The following PTPRR variants were observed in gnomAD, a reference collection of about 807,000 sequenced individuals.
PTPRR encodes the protein receptor-type tyrosine-protein phosphatase R.
A neutral mutation model predicts 77.2 loss-of-function variants in PTPRR; 38 were observed. That is an observed-to-expected ratio of 0.49 (90% CI 0.38 to 0.65). The LOEUF (loss-of-function observed/expected upper bound fraction) is 0.65, where lower values mean the gene tolerates loss of function less well. Ranked by LOEUF, PTPRR falls within the 30% of genes least tolerant of loss-of-function variation. The pLI is 0.00. For missense variants in PTPRR, 744 were observed against 799.2 expected (o/e 0.93, Z 0.83); for synonymous variants, 299 against 283.1 (o/e 1.06, Z -0.57).
chr12:70,710,694 T>C (rs1178800940), intron 6 of PTPRR, among the ~76,000 whole-genome samples: 3 of 151,614 alleles, frequency 2.0e-5, no homozygotes, highest in African/African-American at 7.3e-5. Context: ...TAAGGAACCT[T>C]AACAAATTTA....
intron 8 of PTPRR, among the ~76,000 whole-genome samples, chr12:70,687,590 T>C (rs1436320618): frequency 6.6e-6 from 1 of 152,100 alleles, no homozygotes; most frequent in Non-Finnish European, 1.5e-5. Context: ...CATCCAAGAA[T>C]CCTGTTGATC....
chr12:70,703,682 A>G (rs1441185859), intron 6 of PTPRR, among the ~76,000 whole-genome samples: 3 of 152,206 alleles, frequency 2.0e-5, no homozygotes, highest in Non-Finnish European at 2.9e-5. Flanking sequence ...CAGCTTTTGC[A>G]AGCTTTATAG....
intron 6 of PTPRR, among the ~76,000 whole-genome samples, chr12:70,738,918 AGAGCAAGTG>A: frequency 6.6e-6 from 1 of 152,254 alleles, no homozygotes; most frequent in Non-Finnish European, 1.5e-5. Flanking sequence ...TGGTAGTTAC[AGAGCAAGTG>A]TTTGAATTTG....
intron 10 of PTPRR, among the ~76,000 whole-genome samples, chr12:70,673,850 T>G (rs191507378): frequency 1.3e-5 from 2 of 151,792 alleles, no homozygotes; most frequent in African/African-American, 4.8e-5. Flanking sequence ...TTTTTAATGG[T>G]TTTTTTTGCA....
At chr12:70,657,628 C>T (rs1886633640) in intron 12 of PTPRR, among the ~76,000 whole-genome samples, 1 of 152,188 alleles carries the variant, frequency 6.6e-6, no homozygotes, top group Non-Finnish European at 1.5e-5. Context: ...TCCATCTCCT[C>T]CTTACTATTT....
chr12:70,897,770 G>T (rs902003014), intron 1 of PTPRR, among the ~76,000 whole-genome samples: 24 of 151,996 alleles, frequency 1.6e-4, no homozygotes, highest in Non-Finnish European at 3.2e-4. Context: ...GTCCAACAAT[G>T]ATAGACTGGA....
intron 1 of PTPRR, among the ~76,000 whole-genome samples, chr12:70,905,784 T>A (rs1893612423): frequency 6.6e-6 from 1 of 151,980 alleles, no homozygotes; most frequent in African/African-American, 2.4e-5. Context: ...TCAATGTCAA[T>A]AACTTGTGAA....
chr12:70,714,203 T>C lies in PTPRR; in HGVS notation c.1008-12880A>G, dbSNP rs561878623. Among the ~76,000 whole-genome samples the C allele has an allele frequency of 1.8e-4, 28 of 152,328 alleles. No individual in the cohort carries two copies. In the East Asian group the frequency reaches 3.9e-3, roughly 21 times the overall value. On this transcript the variant is annotated intron_variant, in intron 6 of 13. Transcript: ENST00000283228. ...ATATTGAATAGACATATCTATGATA[T>C]AAATATCTATTAATTCAAAGAAAAC...
intron 2 of PTPRR, among the ~76,000 whole-genome samples, chr12:70,799,268 T>A (rs1891571090): frequency 6.6e-6 from 1 of 152,234 alleles, no homozygotes; most frequent in Non-Finnish European, 1.5e-5. Context: ...ACCACATGTA[T>A]GTTATATATA....
chr12:70,655,995 C>T (rs12578537), intron 13 of PTPRR, among the ~76,000 whole-genome samples: 9,324 of 151,952 alleles, frequency 0.061, 450 homozygotes, highest in Admixed American at 0.15. Flanking sequence ...GAGGATCCCT[C>T]GAGCCCAGGC....
chr12:70,849,614 C>T (rs193019217), intron 2 of PTPRR, among the ~76,000 whole-genome samples: 3 of 152,320 alleles, frequency 2.0e-5, no homozygotes, highest in African/African-American at 7.2e-5. Context: ...TAATTTACAA[C>T]ATATTTTGAC....
At chr12:70,698,471 G>A (rs1888310585) in intron 7 of PTPRR, 122 bp from the exon 8 acceptor site, 4 of 730,444 alleles carry the variant, frequency 5.5e-6, no homozygotes, top group South Asian at 1.8e-5. Flanking sequence ...AACAGATCTA[G>A]CACCTCTGGT....
intron 8 of PTPRR, among the ~76,000 whole-genome samples, chr12:70,691,534 A>G (rs1191316025): frequency 6.6e-6 from 1 of 152,186 alleles, no homozygotes; most frequent in Non-Finnish European, 1.5e-5. Flanking sequence ...GAGGGCTCTC[A>G]AATACATACT....
chr12:70,719,156 G>A (rs974800195), intron 6 of PTPRR, among the ~76,000 whole-genome samples: 2 of 152,012 alleles, frequency 1.3e-5, no homozygotes, highest in African/African-American at 2.4e-5. Context: ...AAGAACTCTC[G>A]GGCTAAGCTT....
chr12:70,882,828 T>G (rs1893172075), intron 2 of PTPRR, among the ~76,000 whole-genome samples: 1 of 152,234 alleles, frequency 6.6e-6, no homozygotes, highest in South Asian at 2.1e-4. Flanking sequence ...ATGTATACTT[T>G]GCCTATAAAA....
chr12:70,708,582 C>A (rs547155627), intron 6 of PTPRR, among the ~76,000 whole-genome samples: 2 of 149,678 alleles, frequency 1.3e-5, no homozygotes, highest in Non-Finnish European at 3.0e-5. Context: ...TTTTTTTTGT[C>A]ATTTGGTATT....
At chr12:70,708,881 T>A (rs983337207) in intron 6 of PTPRR, among the ~76,000 whole-genome samples, 3 of 151,200 alleles carry the variant, frequency 2.0e-5, no homozygotes, top group Non-Finnish European at 4.4e-5. Context: ...ATGAATAACC[T>A]CCTGTCTCTT....
At chr12:70,813,660 GA>G (rs897997592) in intron 2 of PTPRR, among the ~76,000 whole-genome samples, 1 of 152,188 alleles carries the variant, frequency 6.6e-6, no homozygotes, top group African/African-American at 2.4e-5. Context: ...AGTGATCCTT[GA>G]GAGGAGGAAA....
At chr12:70,831,166 C>T (rs1052869524) in intron 2 of PTPRR, among the ~76,000 whole-genome samples, 6 of 152,178 alleles carry the variant, frequency 3.9e-5, no homozygotes, top group African/African-American at 1.4e-4. Context: ...AGAGAGTTTA[C>T]ACTTTTACCC....
Sources: gnomAD v4.1 joint callset for allele counts (sites outside exome capture counted in the v4.1 genomes callset) on GRCh38, gnomAD v4.1.1 for gene constraint, MANE v1.5 for transcripts, NCBI Gene and HGNC (gene_info 2026-07-23, HGNC 2026-07-21) for gene names.